The following AGAP1 variants were observed in gnomAD, a reference collection of about 807,000 sequenced individuals.
AGAP1 encodes the protein ArfGAP with GTPase domain, ankyrin repeat and PH domain 1.
In AGAP1, 29 loss-of-function variants were observed where a neutral mutation model predicts 105.3. The ratio of observed to expected loss-of-function variants is 0.28; its 90% CI spans 0.21 to 0.38. The LOEUF (loss-of-function observed/expected upper bound fraction) is 0.38. Among genes scored for constraint, AGAP1 ranks in the 10% least tolerant of loss-of-function variants. The pLI, the probability that AGAP1 is intolerant of heterozygous loss-of-function variation, is 1.00. For missense variants in AGAP1, 998 were observed against 1,165.1 expected, an observed-to-expected ratio of 0.86 and a Z score of 2.09; for synonymous variants, 509 against 485.9, an observed-to-expected ratio of 1.05 and a Z score of -0.63.
At position 236,077,507 on chromosome 2, in the gene AGAP1, C is replaced by T. The variant is rs142630009; in HGVS notation, c.2114+28226C>T. Among the ~76,000 whole-genome samples the T allele has an allele frequency of 5.5e-3, 829 of 152,012 alleles. 5 individuals carry two copies. Among genetic ancestry groups the T allele is most frequent in the African/African-American group, 0.019 (788 of 41,478 alleles). On this transcript the variant is annotated intron_variant, in intron 16 of 17. Coordinates refer to ENST00000304032, the MANE Select transcript of AGAP1 (RefSeq NM_001037131.3). Reference sequence around the variant, plus strand: ...CTAATTTTTGTATTTTTAGTAGAGACGGGGTTTCATCATATTGGTCAGGCT... The same window carrying T: ...CTAATTTTTGTATTTTTAGTAGAGATGGGGTTTCATCATATTGGTCAGGCT...
intron 9 of AGAP1, among the ~76,000 whole-genome samples, chr2:235,854,653 T>G (rs1416309926): frequency 6.6e-6 from 1 of 152,214 alleles, no homozygotes; most frequent in Non-Finnish European, 1.5e-5. Context: ...AGTGGTGGAC[T>G]TGGGGATGTT....
At chr2:235,658,188 A>C (rs1559319908) in intron 1 of AGAP1, among the ~76,000 whole-genome samples, 1 of 151,936 alleles carries the variant, frequency 6.6e-6, no homozygotes, top group East Asian at 1.9e-4. Flanking sequence ...ATATTTATGG[A>C]TTTTTTTTCC....
intron 4 of AGAP1, among the ~76,000 whole-genome samples, chr2:235,742,794 G>A (rs1952668106): frequency 6.6e-6 from 1 of 152,136 alleles, no homozygotes; most frequent in South Asian, 2.1e-4. Flanking sequence ...TTGAGTGACT[G>A]GAAACAAGCT....
At chr2:235,536,846 G>C (rs148762903) in intron 1 of AGAP1, among the ~76,000 whole-genome samples, 1 of 152,256 alleles carries the variant, frequency 6.6e-6, no homozygotes, top group Non-Finnish European at 1.5e-5. Flanking sequence ...GACAGTGTGT[G>C]TCACCTTTTC....
Position 236,131,605 on chromosome 2 carries a change from TTTGC to T in AGAP1, c.*7487_*7490del, listed in dbSNP as rs1232091596. 1 of 152,174 alleles carries T rather than the reference TTTGC, an allele frequency of 6.6e-6. No homozygotes were observed. The highest frequency in any genetic ancestry group is 1.5e-5 in the Non-Finnish European group (1 of 68,030). 9.4% of individuals were successfully genotyped at this position (152,174 alleles called of 1,614,324 possible). A position where few individuals can be genotyped will look rare whatever the true frequency, so the allele number is the denominator to read the frequency against. ...TTAAAACCATTGACAGACATTTCAC[TTTGC>T]TTGTTATTTCATATGATCTTGTTTT... On this transcript the variant is annotated 3_prime_UTR_variant, in exon 18 of 18. Coordinates refer to ENST00000304032, the MANE Select transcript of AGAP1 (RefSeq NM_001037131.3). The surrounding 1 kb of genome is among the most constrained non-coding windows in gnomAD (Gnocchi z 5.9).
At position 236,083,214 on chromosome 2, in the gene AGAP1, A is replaced by G. The variant is rs2125841735; in HGVS notation, c.2114+33933A>G. 6.6e-6 allele frequency among the ~76,000 whole-genome samples: 1 copy of G among 152,252 alleles called. No homozygotes were observed. Among genetic ancestry groups the G allele is most frequent in the Admixed American group, 6.5e-5 (1 of 15,292 alleles). On this transcript the variant is annotated intron_variant, in intron 16 of 17. Coordinates refer to ENST00000304032, the MANE Select transcript of AGAP1 (RefSeq NM_001037131.3). This position sits in a 1 kb window ranked among gnomAD's most constrained non-coding sequence, Gnocchi z 5.3. Reference sequence around the variant, plus strand: ...ATTTAGACTGGCTCATGAACTTGCCAAAGAAAGGGCTGTTGTCAGTCGCCG... The same window carrying G: ...ATTTAGACTGGCTCATGAACTTGCCGAAGAAAGGGCTGTTGTCAGTCGCCG...
intron 1 of AGAP1, among the ~76,000 whole-genome samples, chr2:235,583,428 C>T (rs533703089): frequency 6.6e-6 from 1 of 152,232 alleles, no homozygotes; most frequent in East Asian, 1.9e-4. Flanking sequence ...CAGAGAAACT[C>T]ATTTGAACCT....
intron 12 of AGAP1, among the ~76,000 whole-genome samples, chr2:235,955,947 A>T (rs925510766): frequency 6.6e-6 from 1 of 152,226 alleles, no homozygotes; most frequent in Admixed American, 6.5e-5. Flanking sequence ...GCAGTGGGTC[A>T]TTTGACTGCA....
Position 236,105,848 on chromosome 2 carries a change from C to T in AGAP1, c.2115-14344C>T, listed in dbSNP as rs2059476055. 1.3e-5 allele frequency among the ~76,000 whole-genome samples: 2 copies of T among 152,164 alleles called. No homozygotes were observed. Among genetic ancestry groups the T allele is most frequent in the African/African-American group, 2.4e-5 (1 of 41,438 alleles). Reference sequence around the variant, plus strand: ...TCCTGACCTCATGATCCACCCTCCTCGGCCTCCCAAAGTGCTGGGATTACA... The same window carrying T: ...TCCTGACCTCATGATCCACCCTCCTTGGCCTCCCAAAGTGCTGGGATTACA... On this transcript the variant is annotated intron_variant, in intron 16 of 17. Coordinates refer to ENST00000304032, the MANE Select transcript of AGAP1 (RefSeq NM_001037131.3). The surrounding 1 kb of genome is among the most constrained non-coding windows in gnomAD (Gnocchi z 4.2).
intron 1 of AGAP1, among the ~76,000 whole-genome samples, chr2:235,515,500 G>A (rs188424272): frequency 3.3e-5 from 5 of 152,312 alleles, no homozygotes; most frequent in South Asian, 2.1e-4. Context: ...CAATAACAGC[G>A]CTGATCCACT....
chr2:235,695,453 G>T (rs550577879), intron 1 of AGAP1, among the ~76,000 whole-genome samples: 95 of 152,316 alleles, frequency 6.2e-4, no homozygotes, highest in African/African-American at 2.1e-3. Context: ...TCCTTCACGG[G>T]TGTTTATATG....
At position 235,736,257 on chromosome 2, in the gene AGAP1, G is replaced by A. The variant is rs1559413899; in HGVS notation, c.311-4706G>A. 6.6e-6 allele frequency among the ~76,000 whole-genome samples: 1 copy of A among 151,982 alleles called. No individual in the cohort carries two copies. The highest frequency in any genetic ancestry group is 6.6e-5 in the Admixed American group (1 of 15,248). On this transcript the variant is annotated intron_variant, in intron 3 of 17. Coordinates refer to ENST00000304032, the MANE Select transcript of AGAP1 (RefSeq NM_001037131.3). This position sits in a 1 kb window ranked among gnomAD's most constrained non-coding sequence, Gnocchi z 5.5. ...GCGCTGGTCCCTTCCCACGGAGCTC[G>A]CCTAGCACCTGTTCACAGGTGTGCC...
In AGAP1 at chr2:235,893,282, C is replaced by T. The variant is rs1460237256; in HGVS notation, c.1155+9833C>T. Among the ~76,000 whole-genome samples, 4 of 148,026 alleles carry T rather than the reference C, an allele frequency of 2.7e-5. No individual in the cohort carries two copies. Among genetic ancestry groups the T allele is most frequent in the African/African-American group, 5.0e-5 (2 of 39,760 alleles). On this transcript the variant is annotated intron_variant, in intron 10 of 17. Transcript: ENST00000304032. This position sits in a 1 kb window ranked among gnomAD's most constrained non-coding sequence, Gnocchi z 4.7. ...TCATAAGGAAGCGCCGTGTCTGTAG[C>T]GTGGGTGTAGCGTGTCTGTGGCGCA...
At chr2:235,880,621 T>G (rs965053302) in intron 9 of AGAP1, among the ~76,000 whole-genome samples, 1 of 151,430 alleles carries the variant, frequency 6.6e-6, no homozygotes, top group Non-Finnish European at 1.5e-5. Context: ...TTGCCTGTAA[T>G]CCCAGCTACT....
At chr2:235,783,252 G>A in intron 6 of AGAP1, 2 of 417,772 alleles carry the variant, frequency 4.8e-6, no homozygotes, top group South Asian at 3.6e-5. Flanking sequence ...TTAAAAAAAA[G>A]AGTTGAATTT....
chr2:235,760,958 A>C (rs1221297250), intron 6 of AGAP1, among the ~76,000 whole-genome samples: 1 of 152,120 alleles, frequency 6.6e-6, no homozygotes, highest in Non-Finnish European at 1.5e-5. Flanking sequence ...TTTAATATGA[A>C]AATGTTTAGG....
chr2:236,034,152 AAGGTTGTAAATCAT>A (rs1288779638), intron 13 of AGAP1, among the ~76,000 whole-genome samples: 2 of 152,212 alleles, frequency 1.3e-5, no homozygotes, highest in East Asian at 3.9e-4. Context: ...CTGTATGGAA[AAGGTTGTAAATCAT>A]AGTACTAGGA....
At chr2:235,835,842 A>T (rs1181678763) in intron 9 of AGAP1, among the ~76,000 whole-genome samples, 1 of 152,224 alleles carries the variant, frequency 6.6e-6, no homozygotes, top group Non-Finnish European at 1.5e-5. Context: ...AAGGCGGCTA[A>T]CAAGAGCCAA....
intron 1 of AGAP1, among the ~76,000 whole-genome samples, chr2:235,507,770 C>G (rs934607750): frequency 6.6e-6 from 1 of 152,058 alleles, no homozygotes; most frequent in African/African-American, 2.4e-5. Flanking sequence ...GAACTCGGGA[C>G]CCGTGGACAC....
Sources: gnomAD v4.1 joint callset for allele counts (sites outside exome capture counted in the v4.1 genomes callset) on GRCh38, gnomAD v4.1.1 for gene constraint, Gnocchi (gnomAD v3.1) non-coding constraint, MANE v1.5 for transcripts, NCBI Gene and HGNC (gene_info 2026-07-23, HGNC 2026-07-21) for gene names.